Variants in GOLGA8B observed in about 807,000 individuals in gnomAD.
GOLGA8B encodes the protein golgin A8 family member B, also known as golgin subfamily A member 8B.
Under a neutral mutation model 15.6 loss-of-function variants are expected in GOLGA8B, and 1 was observed. The observed-to-expected ratio is 0.06, with a 90% CI of 0.02 to 0.30. The LOEUF (loss-of-function observed/expected upper bound fraction) is 0.30, where lower values mean the gene tolerates loss of function less well. Among genes scored for constraint, GOLGA8B ranks in the 10% least tolerant of loss-of-function variants. The probability of loss-of-function intolerance (pLI) is 1.00; values close to 1 mark genes in which losing one functional copy is unlikely to be tolerated. For missense variants in GOLGA8B, 17 were observed against 201.3 expected, an observed-to-expected ratio of 0.08 and a Z score of 5.54; for synonymous variants, 9 against 80.3, an observed-to-expected ratio of 0.11 and a Z score of 4.75.
At chr15:34,557,743 C>T (rs868267408) in intron 1 of GOLGA8B, among the ~76,000 whole-genome samples, 3,370 of 86,334 alleles carry the variant, frequency 0.039, 42 homozygotes, top group African/African-American at 0.14. Flanking sequence ...ATTTTCAGCA[C>T]TTGTATCTTA....
rs1566929281 is a variant in GOLGA8B at position 34,526,508 on chromosome 15, T to C, written c.*1124A>G. 1 of 148,868 alleles carries C rather than the reference T, an allele frequency of 6.7e-6. No homozygotes were observed. The highest frequency in any genetic ancestry group is 1.5e-5 in the Non-Finnish European group (1 of 67,148). 9.2% of individuals were successfully genotyped at this position (148,868 alleles called of 1,614,324 possible). The stretch of plus-strand genomic sequence containing the variant: ...AACTTCAAGCCTCAAAGAAGCTCCA[T>C]GAACAGAGAGGAATGCCAGGTGTCA... On this transcript the variant is annotated 3_prime_UTR_variant, in exon 24 of 24. Coordinates refer to ENST00000683415, the MANE Select transcript of GOLGA8B (RefSeq NM_001023567.5).
intron 1 of GOLGA8B, among the ~76,000 whole-genome samples, chr15:34,572,811 G>A (rs1888957143): frequency 6.6e-6 from 1 of 152,190 alleles, no homozygotes; most frequent in Non-Finnish European, 1.5e-5. Context: ...CTCAAGATCT[G>A]TGTTATATAG....
At chr15:34,570,042 C>T (rs1349935522) in intron 1 of GOLGA8B, among the ~76,000 whole-genome samples, 2 of 152,236 alleles carry the variant, frequency 1.3e-5, no homozygotes, top group South Asian at 4.1e-4. Flanking sequence ...GCTGGCCCCA[C>T]CACCTGCTTT....
intron 1 of GOLGA8B, among the ~76,000 whole-genome samples, chr15:34,567,987 T>A (rs57709646): frequency 6.6e-6 from 1 of 150,418 alleles, no homozygotes; most frequent in African/African-American, 2.5e-5. Flanking sequence ...ACTCAACTCA[T>A]GCCCAGCTAA....
chr15:34,532,418 C>A (rs1888164788), intron 11 of GOLGA8B, among the ~76,000 whole-genome samples: 1 of 104,706 alleles, frequency 9.6e-6, no homozygotes, highest in Non-Finnish European at 2.4e-5. Context: ...TTCTAGGGGG[C>A]CTTTAAATCT....
chr15:34,557,487 A>G (rs1376970261), intron 1 of GOLGA8B, among the ~76,000 whole-genome samples: 2 of 36,608 alleles, frequency 5.5e-5, no homozygotes, highest in Non-Finnish European at 1.2e-4. Flanking sequence ...CACATTTGAA[A>G]AGCCGCCTTC....
intron 1 of GOLGA8B, among the ~76,000 whole-genome samples, chr15:34,575,998 G>C (rs1889067370): frequency 6.6e-6 from 1 of 152,358 alleles, no homozygotes; most frequent in East Asian, 1.9e-4. Flanking sequence ...CCTGCTCCCG[G>C]TTGTACCACT....
chr15:34,527,273 T>C lies in GOLGA8B; in HGVS notation c.*359A>G. On this transcript the variant is annotated 3_prime_UTR_variant, in exon 24 of 24. Transcript: ENST00000683415. ...ATGAACATCCATGCTGCAATAACAT[T>C]AAAAAAGCACGGGAGCCTATTCCAA... 1 of 362,338 alleles carries C rather than the reference T, an allele frequency of 2.8e-6. No homozygotes were observed. The highest frequency in any genetic ancestry group is 2.4e-5 in the South Asian group (1 of 40,856). The allele number at this position is 362,338 out of a possible 1,614,324, so 22.4% of individuals were successfully genotyped here.
chr15:34,579,370 G>C (rs1484275488), intron 1 of GOLGA8B, among the ~76,000 whole-genome samples: 2 of 152,064 alleles, frequency 1.3e-5, no homozygotes. Flanking sequence ...GACAAGTTTG[G>C]AAAGATCCAG....
chr15:34,575,117 AAAAG>A (rs902768067), intron 1 of GOLGA8B, among the ~76,000 whole-genome samples: 3 of 151,468 alleles, frequency 2.0e-5, no homozygotes, highest in East Asian at 1.9e-4. Context: ...AAAAAAAAAA[AAAAG>A]AAGGGTAAAA....
chr15:34,583,377 G>A (rs1889302250), intron 1 of GOLGA8B, 139 bp downstream of exon 1: 1 of 151,814 alleles, frequency 6.6e-6, no homozygotes, highest in South Asian at 2.1e-4. Context: ...CAGCCCCGCC[G>A]AGTCCGGGGG....
chr15:34,560,174 G>C (rs200051541), intron 1 of GOLGA8B, among the ~76,000 whole-genome samples: 7 of 127,026 alleles, frequency 5.5e-5, no homozygotes, highest in Non-Finnish European at 1.3e-4. Context: ...TGCCTTGTGA[G>C]TGTCATTAAA....
chr15:34,564,741 T>G (rs1203815969), intron 1 of GOLGA8B, among the ~76,000 whole-genome samples: 1 of 142,148 alleles, frequency 7.0e-6, no homozygotes, highest in African/African-American at 2.5e-5. Flanking sequence ...ACGAAAAGGG[T>G]GTGAGGTCTT....
chr15:34,564,763 T>C (rs1486442361), intron 1 of GOLGA8B, among the ~76,000 whole-genome samples: 5 of 143,102 alleles, frequency 3.5e-5, no homozygotes, highest in Non-Finnish European at 8.0e-5. Flanking sequence ...GGGGCCAGCT[T>C]TGAGCTGGCA....
chr15:34,580,293 C>G (rs1249259821), intron 1 of GOLGA8B, among the ~76,000 whole-genome samples: 2 of 151,992 alleles, frequency 1.3e-5, no homozygotes, highest in Non-Finnish European at 2.9e-5. Context: ...TTCTTGGGAG[C>G]GAGTGGGAGA....
chr15:34,563,524 T>C (rs1227554722), intron 1 of GOLGA8B, among the ~76,000 whole-genome samples: 1 of 149,106 alleles, frequency 6.7e-6, no homozygotes, highest in Non-Finnish European at 1.5e-5. Flanking sequence ...TCATTGTCTA[T>C]TGGAGGTGAA....
At chr15:34,564,087 G>A (rs1179305794) in intron 1 of GOLGA8B, among the ~76,000 whole-genome samples, 2 of 140,558 alleles carry the variant, frequency 1.4e-5, no homozygotes, top group Admixed American at 7.1e-5. Context: ...ATAATCTGGA[G>A]ACATTTTCGG....
At chr15:34,570,587 G>GCA in intron 1 of GOLGA8B, among the ~76,000 whole-genome samples, 1 of 103,206 alleles carries the variant, frequency 9.7e-6, no homozygotes, top group Non-Finnish European at 2.1e-5. Context: ...ACCCCTCCAC[G>GCA]ATGGACCCCA....
chr15:34,577,533 CACACACA>C (rs1889116395), intron 1 of GOLGA8B, among the ~76,000 whole-genome samples: 1 of 151,058 alleles, frequency 6.6e-6, no homozygotes, highest in Non-Finnish European at 1.5e-5. Flanking sequence ...CACACACACA[CACACACA>C]CACACACACA....
Sources: allele counts gnomAD v4.1 joint callset (sites outside exome capture counted in the v4.1 genomes callset), GRCh38; gene constraint gnomAD v4.1.1; transcripts MANE v1.5; gene names NCBI Gene and HGNC (gene_info 2026-07-23, HGNC 2026-07-21).